The following FBXW8 variants were observed in gnomAD, a reference collection of about 807,000 sequenced individuals.
FBXW8 encodes F-box/WD repeat-containing protein 8.
FBXW8 carries 57 observed loss-of-function variants against 65.3 expected under a neutral mutation model. The ratio of observed to expected loss-of-function variants is 0.87; its 90% CI spans 0.71 to 1.09. FBXW8 has a LOEUF of 1.09. Ranked by LOEUF, FBXW8 falls within the 50% of genes least tolerant of loss-of-function variation. The pLI is 0.00. For synonymous variants in FBXW8, 308 were observed against 330.2 expected (o/e 0.93, Z 0.73); for missense variants, 777 against 814.8 (o/e 0.95, Z 0.57).
At chr12:116,980,777 G>A (rs544283370) in intron 5 of FBXW8, among the ~76,000 whole-genome samples, 92 of 152,320 alleles carry the variant, frequency 6.0e-4, no homozygotes, top group African/African-American at 2.1e-3. Flanking sequence ...TTAAAATAGT[G>A]TGACAGCATG....
At chr12:117,025,680 G>A (rs552717499) in intron 9 of FBXW8, among the ~76,000 whole-genome samples, 1 of 152,288 alleles carries the variant, frequency 6.6e-6, no homozygotes, top group Non-Finnish European at 1.5e-5. Context: ...TGTTGAGGGC[G>A]CCTCGGCCCT....
intron 9 of FBXW8, among the ~76,000 whole-genome samples, chr12:117,024,560 G>A (rs1331550834): frequency 2.0e-5 from 3 of 152,206 alleles, no homozygotes; most frequent in East Asian, 1.9e-4. Flanking sequence ...CATTCAGATC[G>A]CCACAATTCC....
At chr12:116,952,344 G>A (rs4767477) in intron 4 of FBXW8, among the ~76,000 whole-genome samples, 82,959 of 152,124 alleles carry the variant, frequency 0.55, 26,623 homozygotes, top group Admixed American at 0.7. Context: ...TGACACGACT[G>A]TATAATTCAT....
intron 1 of FBXW8, among the ~76,000 whole-genome samples, chr12:116,916,714 A>T (rs1392971029): frequency 1.2e-4 from 19 of 152,102 alleles, no homozygotes; most frequent in Admixed American, 1.2e-3. Context: ...CCTGGGCAAA[A>T]TAGATTCTGT....
At chr12:116,949,926 C>A in intron 4 of FBXW8, 1 of 516,708 alleles carries the variant, frequency 1.9e-6, no homozygotes, top group Non-Finnish European at 3.5e-6. Flanking sequence ...GATCTGTGAT[C>A]CATTTGTCTC....
At chr12:117,024,548 A>T (rs1368678768) in intron 9 of FBXW8, among the ~76,000 whole-genome samples, 1 of 152,260 alleles carries the variant, frequency 6.6e-6, no homozygotes, top group Non-Finnish European at 1.5e-5. Flanking sequence ...TGTCTCTGAC[A>T]TCATTCAGAT....
chr12:117,030,192 A>G lies in FBXW8; in HGVS notation c.*2020A>G, dbSNP rs1440904010. On this transcript the variant is annotated 3_prime_UTR_variant, in exon 11 of 11. Transcript: ENST00000652555. ...TGCTTAAGATACGCAGCCATTCCAT[A>G]TTCATCTCCAACTACACAGGGGAAC... 1 of 152,168 alleles carries G rather than the reference A, an allele frequency of 6.6e-6. No individual in the cohort carries two copies. The allele number at this position is 152,168 out of a possible 1,614,324, so 9.4% of individuals were successfully genotyped here. A position where few individuals can be genotyped will look rare whatever the true frequency, so the allele number is the denominator to read the frequency against.
At chr12:117,015,938 G>A (rs1243814230) in intron 8 of FBXW8, among the ~76,000 whole-genome samples, 1 of 152,092 alleles carries the variant, frequency 6.6e-6, no homozygotes, top group Non-Finnish European at 1.5e-5. Flanking sequence ...TGTAATCTAT[G>A]ACCTTTTATG....
At chr12:116,932,331 A>G (rs1881833620) in intron 2 of FBXW8, among the ~76,000 whole-genome samples, 1 of 152,166 alleles carries the variant, frequency 6.6e-6, no homozygotes, top group African/African-American at 2.4e-5. Context: ...AGGTGTTTAC[A>G]GCTTCAAGAG....
chr12:117,010,977 G>A (rs907194995), intron 8 of FBXW8, among the ~76,000 whole-genome samples: 3 of 152,224 alleles, frequency 2.0e-5, no homozygotes, highest in Admixed American at 1.3e-4. Context: ...CACTGGCTTA[G>A]GGAGTCGGAT....
rs76583556 is a variant in FBXW8 at position 116,996,004 on chromosome 12, G to A, written c.1239+7135G>A. Among the ~76,000 whole-genome samples, 1,202 of 152,296 alleles carry A rather than the reference G, an allele frequency of 7.9e-3. 27 individuals are homozygous for A. In the East Asian group the frequency reaches 0.11, roughly 14 times the overall value. ...GAATTAAATTCTGCTCTCAGAGGTG[G>A]AGGGTTAGAAGACCGAATTGCCTTG... On this transcript the variant is annotated intron_variant, in intron 7 of 10. Coordinates refer to ENST00000652555, the MANE Select transcript of FBXW8 (RefSeq NM_153348.3).
intron 5 of FBXW8, chr12:116,978,273 C>T (rs962503352): frequency 6.6e-5 from 10 of 152,194 alleles, no homozygotes; most frequent in Admixed American, 6.5e-5. Flanking sequence ...CCACCGGCAC[C>T]TCTTCCATGA....
intron 7 of FBXW8, among the ~76,000 whole-genome samples, chr12:117,006,649 A>G (rs1290336309): frequency 1.3e-5 from 2 of 151,868 alleles, no homozygotes; most frequent in Non-Finnish European, 2.9e-5. Context: ...GTCTCCTCAG[A>G]GAGGCAGGCC....
intron 5 of FBXW8, among the ~76,000 whole-genome samples, chr12:116,982,492 C>T (rs887545285): frequency 2.2e-4 from 33 of 152,130 alleles, no homozygotes; most frequent in African/African-American, 7.5e-4. Context: ...CACGTGATAT[C>T]AGCCCCCCGA....
Position 117,030,188 on chromosome 12 carries a change from C to T in FBXW8, c.*2016C>T. 1.3e-5 allele frequency: 2 copies of T among 152,184 alleles called. 1 individual carries two copies. Among genetic ancestry groups the T allele is most frequent in the Admixed American group, 1.3e-4 (2 of 15,282 alleles). The allele number at this position is 152,184 out of a possible 1,614,324, so 9.4% of individuals were successfully genotyped here. A position where few individuals can be genotyped will look rare whatever the true frequency, so the allele number is the denominator to read the frequency against. On this transcript the variant is annotated 3_prime_UTR_variant, in exon 11 of 11. Transcript: ENST00000652555. ...AGATTGCTTAAGATACGCAGCCATT[C>T]CATATTCATCTCCAACTACACAGGG...
intron 4 of FBXW8, among the ~76,000 whole-genome samples, chr12:116,952,606 T>C (rs1162492716): frequency 6.6e-6 from 1 of 152,240 alleles, no homozygotes; most frequent in Non-Finnish European, 1.5e-5. Flanking sequence ...CAACTCATCG[T>C]GTGGCCTTGC....
chr12:117,013,228 C>T (rs1014128028), intron 8 of FBXW8, among the ~76,000 whole-genome samples: 1 of 131,422 alleles, frequency 7.6e-6, no homozygotes, highest in Non-Finnish European at 1.5e-5. Context: ...GGTGACAGAG[C>T]GAGACTCCAT....
intron 7 of FBXW8, among the ~76,000 whole-genome samples, chr12:117,005,821 AG>A (rs1235786399): frequency 2.0e-5 from 3 of 152,228 alleles, no homozygotes; most frequent in Non-Finnish European, 4.4e-5. Flanking sequence ...AAGAGCCAAG[AG>A]CCACATATGT....
At chr12:116,926,474 G>T (rs7976815) in intron 1 of FBXW8, among the ~76,000 whole-genome samples, 116,846 of 152,026 alleles carry the variant, frequency 0.77, 46,338 homozygotes, top group Non-Finnish European at 0.86. Context: ...AGTGTTGATT[G>T]CAGGAGTCTC....
Sources: allele counts gnomAD v4.1 joint callset (sites outside exome capture counted in the v4.1 genomes callset), GRCh38; gene constraint gnomAD v4.1.1; transcripts MANE v1.5; gene names NCBI Gene and HGNC (gene_info 2026-07-23, HGNC 2026-07-21).